Variants in CNTNAP2 observed in about 807,000 individuals in gnomAD.
CNTNAP2 encodes contactin-associated protein-like 2.
CNTNAP2 carries 98 observed loss-of-function variants against 155.2 expected under a neutral mutation model. The ratio of observed to expected loss-of-function variants is 0.63; its 90% CI spans 0.54 to 0.75. CNTNAP2 has a LOEUF of 0.75. Among genes scored for constraint, CNTNAP2 ranks in the 30% least tolerant of loss-of-function variants. CNTNAP2 has a pLI of 0.00. For synonymous variants in CNTNAP2, 651 were observed against 631.2 expected, an observed-to-expected ratio of 1.03 and a Z score of -0.47; for missense variants, 1,727 against 1,688.1, an observed-to-expected ratio of 1.02 and a Z score of -0.40.
chr7:146,158,054 G>A (rs1475045649), intron 1 of CNTNAP2, among the ~76,000 whole-genome samples: 1 of 152,182 alleles, frequency 6.6e-6, no homozygotes, highest in Non-Finnish European at 1.5e-5. Flanking sequence ...GGAAAGATCA[G>A]GCAGCAACAT....
At chr7:147,410,957 T>C (rs1403486484) in intron 10 of CNTNAP2, among the ~76,000 whole-genome samples, 1 of 152,334 alleles carries the variant, frequency 6.6e-6, no homozygotes, top group South Asian at 2.1e-4. Flanking sequence ...AGCTTCTTTG[T>C]TGGTCTTGTC....
chr7:147,883,899 G>A (rs1214986935), intron 13 of CNTNAP2, among the ~76,000 whole-genome samples: 1 of 152,084 alleles, frequency 6.6e-6, no homozygotes, highest in East Asian at 1.9e-4. Flanking sequence ...AACTCTACTG[G>A]ATCATAAACT....
chr7:147,866,197 G>A (rs1465206255), intron 13 of CNTNAP2, among the ~76,000 whole-genome samples: 1 of 152,172 alleles, frequency 6.6e-6, no homozygotes, highest in African/African-American at 2.4e-5. Flanking sequence ...AGTCATTCAG[G>A]AGCAGGTTGT....
intron 3 of CNTNAP2, among the ~76,000 whole-genome samples, chr7:147,031,513 C>T (rs1458505019): frequency 6.6e-6 from 1 of 152,156 alleles, no homozygotes; most frequent in Admixed American, 6.5e-5. Flanking sequence ...AAATAGTACA[C>T]AGAAAAATAG....
chr7:147,258,967 C>T (rs1054120385), intron 8 of CNTNAP2, among the ~76,000 whole-genome samples: 2 of 152,178 alleles, frequency 1.3e-5, no homozygotes, highest in African/African-American at 4.8e-5. Flanking sequence ...AAAGCAGAGG[C>T]ACAGCCATCC....
intron 10 of CNTNAP2, among the ~76,000 whole-genome samples, chr7:147,422,209 CAA>C (rs1491417910): frequency 4.9e-5 from 7 of 144,236 alleles, no homozygotes; most frequent in South Asian, 4.2e-4. Flanking sequence ...TATATATACA[CAA>C]TATATATACT....
At chr7:148,225,364 G>A (rs1052838578) in intron 19 of CNTNAP2, among the ~76,000 whole-genome samples, 7 of 152,182 alleles carry the variant, frequency 4.6e-5, no homozygotes, top group African/African-American at 1.7e-4. Context: ...CTGAAGGAGT[G>A]AGGGCATAGC....
At chr7:146,725,108 T>A (rs1801408629) in intron 1 of CNTNAP2, among the ~76,000 whole-genome samples, 1 of 151,456 alleles carries the variant, frequency 6.6e-6, no homozygotes, top group Non-Finnish European at 1.5e-5. Context: ...TGCAGGCTTA[T>A]CACTCCAGTC....
At chr7:146,583,675 GT>G (rs1798646076) in intron 1 of CNTNAP2, among the ~76,000 whole-genome samples, 1 of 152,112 alleles carries the variant, frequency 6.6e-6, no homozygotes, top group South Asian at 2.1e-4. Flanking sequence ...TATAGGTCTT[GT>G]TACATTTTTA....
At chr7:147,861,541 G>C (rs527840075) in intron 13 of CNTNAP2, among the ~76,000 whole-genome samples, 13 of 152,048 alleles carry the variant, frequency 8.5e-5, no homozygotes, top group Non-Finnish European at 1.9e-4. Context: ...CCAGATTTAG[G>C]CAACCACCAA....
chr7:148,231,336 G>A (rs1021675730), intron 20 of CNTNAP2, among the ~76,000 whole-genome samples: 12 of 152,196 alleles, frequency 7.9e-5, no homozygotes, highest in Non-Finnish European at 1.3e-4. Flanking sequence ...GGGTTTGGGG[G>A]AGGGTCTGGT....
intron 1 of CNTNAP2, among the ~76,000 whole-genome samples, chr7:146,374,308 A>G (rs1431914609): frequency 6.6e-6 from 1 of 152,190 alleles, no homozygotes; most frequent in Non-Finnish European, 1.5e-5. Context: ...TTTTACCAGA[A>G]ATTCACTCAC....
At chr7:147,108,756 C>A (rs751295318) in intron 5 of CNTNAP2, among the ~76,000 whole-genome samples, 7 of 152,102 alleles carry the variant, frequency 4.6e-5, no homozygotes, top group African/African-American at 1.7e-4. Flanking sequence ...TAGGTTAATA[C>A]GTCCTGTTCA....
intron 22 of CNTNAP2, among the ~76,000 whole-genome samples, chr7:148,384,908 C>T (rs1255505646): frequency 6.6e-6 from 1 of 152,084 alleles, no homozygotes; most frequent in Non-Finnish European, 1.5e-5. Flanking sequence ...TTATCACAAG[C>T]GTTAAAGTTT....
chr7:146,784,814 T>C (rs1400167519), intron 2 of CNTNAP2, among the ~76,000 whole-genome samples: 1 of 152,204 alleles, frequency 6.6e-6, no homozygotes, highest in African/African-American at 2.4e-5. Context: ...CCTCTGTGCG[T>C]AGATATCGTT....
chr7:147,897,366 A>G (rs935573888), intron 13 of CNTNAP2, among the ~76,000 whole-genome samples: 2 of 152,220 alleles, frequency 1.3e-5, no homozygotes, highest in Non-Finnish European at 2.9e-5. Flanking sequence ...TATGGGCAGG[A>G]CAAAGGAGTC....
chr7:147,915,911 C>T (rs1364709452), intron 14 of CNTNAP2, among the ~76,000 whole-genome samples: 1 of 152,166 alleles, frequency 6.6e-6, no homozygotes, highest in Non-Finnish European at 1.5e-5. Flanking sequence ...CTGTGGTTTA[C>T]TTGGCAGATT....
At chr7:146,589,901 T>C (rs1798755210) in intron 1 of CNTNAP2, among the ~76,000 whole-genome samples, 1 of 152,126 alleles carries the variant, frequency 6.6e-6, no homozygotes, top group Admixed American at 6.5e-5. Flanking sequence ...ATCCACATAG[T>C]ATACCAGGAA....
intron 15 of CNTNAP2, among the ~76,000 whole-genome samples, chr7:148,046,030 C>G (rs546897655): frequency 2.6e-5 from 4 of 152,108 alleles, no homozygotes; most frequent in African/African-American, 4.8e-5. Flanking sequence ...CTGGGCAAGA[C>G]CTTTTTCTCC....
Sources: gnomAD v4.1 joint callset for allele counts (sites outside exome capture counted in the v4.1 genomes callset) on GRCh38, gnomAD v4.1.1 for gene constraint, MANE v1.5 for transcripts, NCBI Gene and HGNC (gene_info 2026-07-23, HGNC 2026-07-21) for gene names.